The following NSMCE2 variants were observed in gnomAD, a reference collection of about 807,000 sequenced individuals.
NSMCE2 encodes the protein NSE2 SUMO ligase component of SMC5/6 complex, also known as E3 SUMO-protein ligase NSE2.
A neutral mutation model predicts 23.8 loss-of-function variants in NSMCE2; 24 were observed. That is an observed-to-expected ratio of 1.01 (90% CI 0.73 to 1.42). NSMCE2 has a LOEUF of 1.42. Ranked by LOEUF, NSMCE2 falls within the 40% of genes most tolerant of loss-of-function variation. The pLI is 0.00. For synonymous variants in NSMCE2, 92 were observed against 94.1 expected (o/e 0.98, Z 0.13); for missense variants, 284 against 296.5 (o/e 0.96, Z 0.31).
At chr8:125,296,312 G>A (rs769010154) in intron 5 of NSMCE2, among the ~76,000 whole-genome samples, 4 of 151,654 alleles carry the variant, frequency 2.6e-5, no homozygotes, top group Non-Finnish European at 5.9e-5. Context: ...GAATATGCAT[G>A]AATGAATGAG....
intron 5 of NSMCE2, chr8:125,348,868 T>A (rs570512838): frequency 1.3e-5 from 2 of 152,172 alleles, no homozygotes; most frequent in Non-Finnish European, 2.9e-5. Context: ...TACAGGAACC[T>A]AGGATTCAGC....
At chr8:125,289,123 C>T (rs1828009245) in intron 5 of NSMCE2, among the ~76,000 whole-genome samples, 1 of 152,176 alleles carries the variant, frequency 6.6e-6, no homozygotes, top group Non-Finnish European at 1.5e-5. Context: ...CTTTGTACTT[C>T]CAAGGCCTAC....
chr8:125,254,574 C>G (rs745576907), intron 5 of NSMCE2, among the ~76,000 whole-genome samples: 1 of 151,348 alleles, frequency 6.6e-6, no homozygotes, highest in Non-Finnish European at 1.5e-5. Flanking sequence ...CACATGGGTT[C>G]TTTGCTTTTT....
chr8:125,336,690 G>C (rs906109924), intron 5 of NSMCE2, among the ~76,000 whole-genome samples: 3 of 152,212 alleles, frequency 2.0e-5, no homozygotes, highest in African/African-American at 4.8e-5. Flanking sequence ...CTGGTATATG[G>C]AAGATTAAAT....
chr8:125,154,599 C>G (rs938999867), intron 4 of NSMCE2, among the ~76,000 whole-genome samples: 6 of 151,584 alleles, frequency 4.0e-5, no homozygotes, highest in African/African-American at 9.7e-5. Flanking sequence ...CAGATAGTCT[C>G]TAAGTCATTT....
At chr8:125,337,604 A>G (rs543575703) in intron 5 of NSMCE2, among the ~76,000 whole-genome samples, 4 of 152,328 alleles carry the variant, frequency 2.6e-5, no homozygotes, top group Admixed American at 2.6e-4. Flanking sequence ...TCTAGAAAAC[A>G]ACAGGTTTGG....
At chr8:125,117,580 C>G (rs946700940) in intron 3 of NSMCE2, among the ~76,000 whole-genome samples, 1 of 151,840 alleles carries the variant, frequency 6.6e-6, no homozygotes, top group Non-Finnish European at 1.5e-5. Flanking sequence ...TACTCTGTCG[C>G]CCAAGCTCAC....
chr8:125,256,922 CAAAAAAAAAAAAAAAAAAAAAAAAA>C (rs60308659), intron 5 of NSMCE2, among the ~76,000 whole-genome samples: 1 of 26,056 alleles, frequency 3.8e-5, no homozygotes, highest in Non-Finnish European at 7.6e-5. Flanking sequence ...GACTCTGTGT[CAAAAAAAAAAAAAAAAAAAAAAAAA>C]AAAAAAAAAA....
intron 5 of NSMCE2, among the ~76,000 whole-genome samples, chr8:125,185,986 A>G (rs1430873786): frequency 6.6e-6 from 1 of 152,220 alleles, no homozygotes; most frequent in African/African-American, 2.4e-5. Context: ...GCAGACCACC[A>G]GAAGTTCTCA....
chr8:125,152,061 G>C (rs969523377), intron 4 of NSMCE2, among the ~76,000 whole-genome samples: 2 of 152,120 alleles, frequency 1.3e-5, no homozygotes, highest in Admixed American at 1.3e-4. Context: ...CTCAGTAGAA[G>C]ATACATTTTT....
intron 3 of NSMCE2, among the ~76,000 whole-genome samples, chr8:125,138,750 C>T (rs950452464): frequency 1.3e-5 from 2 of 152,100 alleles, no homozygotes; most frequent in East Asian, 1.9e-4. Context: ...AGCAAAGATT[C>T]GCAGGGTAGG....
rs572339227 is a variant in NSMCE2 at position 125,267,717 on chromosome 8, C to A, written c.418+85461C>A. 2.0e-5 allele frequency among the ~76,000 whole-genome samples: 3 copies of A among 152,282 alleles called. No homozygotes were observed. In the East Asian group the frequency reaches 5.8e-4, roughly 29 times the overall value. Reference sequence around the variant, plus strand: ...ACTTGAGCCCAGGAGGTTGAGGCTGCAGTGAGCCAAGATCGTGCCACTGCA... The same window carrying A: ...ACTTGAGCCCAGGAGGTTGAGGCTGAAGTGAGCCAAGATCGTGCCACTGCA... On this transcript the variant is annotated intron_variant, in intron 5 of 7. Coordinates refer to ENST00000287437, the MANE Select transcript of NSMCE2 (RefSeq NM_173685.4).
At chr8:125,345,122 T>C (rs111403413) in intron 5 of NSMCE2, among the ~76,000 whole-genome samples, 1 of 150,176 alleles carries the variant, frequency 6.7e-6, no homozygotes, top group African/African-American at 2.5e-5. Context: ...GGCCAGGGAA[T>C]AGAATCAGAG....
intron 5 of NSMCE2, among the ~76,000 whole-genome samples, chr8:125,311,896 T>C (rs1337320506): frequency 6.6e-6 from 1 of 151,728 alleles, no homozygotes; most frequent in African/African-American, 2.4e-5. Flanking sequence ...CTGACCAACA[T>C]GGTCTCTACT....
At chr8:125,132,991 T>TTA (rs1819850928) in intron 3 of NSMCE2, among the ~76,000 whole-genome samples, 1 of 152,202 alleles carries the variant, frequency 6.6e-6, no homozygotes, top group African/African-American at 2.4e-5. Flanking sequence ...TAAGATTAAG[T>TTA]TATTAACTCA....
At chr8:125,268,887 G>T (rs1429655781) in intron 5 of NSMCE2, among the ~76,000 whole-genome samples, 1 of 152,154 alleles carries the variant, frequency 6.6e-6, no homozygotes, top group Non-Finnish European at 1.5e-5. Flanking sequence ...AATACAAATT[G>T]AGATCTTGGA....
At chr8:125,247,344 G>A (rs1437932617) in intron 5 of NSMCE2, among the ~76,000 whole-genome samples, 2 of 151,670 alleles carry the variant, frequency 1.3e-5, no homozygotes, top group Non-Finnish European at 1.5e-5. Context: ...AAAAAAAAAA[G>A]TTAAGGACAC....
chr8:125,186,660 A>C (rs1295432959), intron 5 of NSMCE2, among the ~76,000 whole-genome samples: 1 of 152,234 alleles, frequency 6.6e-6, no homozygotes, highest in Non-Finnish European at 1.5e-5. Context: ...GAGGAGAGTC[A>C]AAACAGGAAT....
intron 5 of NSMCE2, chr8:125,270,701 G>C (rs1310451014): frequency 6.6e-6 from 1 of 152,174 alleles, no homozygotes; most frequent in Non-Finnish European, 1.5e-5. Flanking sequence ...AGTACAGTAT[G>C]CTGATCGAGT....
Sources: gnomAD v4.1 joint callset for allele counts (sites outside exome capture counted in the v4.1 genomes callset) on GRCh38, gnomAD v4.1.1 for gene constraint, MANE v1.5 for transcripts, NCBI Gene and HGNC (gene_info 2026-07-23, HGNC 2026-07-21) for gene names.